Variants in LRP1B observed in about 807,000 individuals in gnomAD.
LRP1B encodes low-density lipoprotein receptor-related protein 1B.
In LRP1B, 217 loss-of-function variants were observed where a neutral mutation model predicts 556.6. The observed-to-expected ratio is 0.39, with a 90% CI of 0.35 to 0.44. The LOEUF is 0.44. Ranked by LOEUF, LRP1B falls within the 20% of genes least tolerant of loss-of-function variation. LRP1B has a pLI of 1.00. For synonymous variants in LRP1B, 2,047 were observed against 1,865.8 expected (o/e 1.10, Z -2.50); for missense variants, 5,053 against 5,620.8 (o/e 0.90, Z 3.23).
chr2:140,913,162 T>G, intron 21 of LRP1B, among the ~76,000 whole-genome samples: 1 of 151,948 alleles, frequency 6.6e-6, no homozygotes, highest in East Asian at 1.9e-4. Flanking sequence ...TAGTGTTACC[T>G]ACATATTTAT....
chr2:142,037,012 C>A (rs1309358697), intron 1 of LRP1B, among the ~76,000 whole-genome samples: 1 of 151,604 alleles, frequency 6.6e-6, no homozygotes, highest in Non-Finnish European at 1.5e-5. Context: ...TTGGGTCACA[C>A]AGAGGACTAT....
intron 9 of LRP1B, among the ~76,000 whole-genome samples, chr2:141,055,466 G>A (rs1699154044): frequency 1.3e-5 from 2 of 151,460 alleles, no homozygotes; most frequent in South Asian, 4.1e-4. Flanking sequence ...CCTCCTAAGT[G>A]AGCATTTAAA....
rs1558880741 is a variant in LRP1B, at chr2:141,795,860, AT to A, written c.205+14418del. ...ATAGAGAATGAAAACCAGGAGCAAT[AT>A]ATATATATATATATATATATATATA... On this transcript the variant is annotated intron_variant, in intron 2 of 90. Transcript: ENST00000389484. Among the ~76,000 whole-genome samples, 458 of 69,316 alleles carry A rather than the reference AT, an allele frequency of 6.6e-3. 29 individuals carry two copies. Among genetic ancestry groups the A allele is most frequent in the African/African-American group, 0.017 (367 of 21,874 alleles). 45.5% of individuals were successfully genotyped at this position (69,316 alleles called of 152,430 possible).
intron 7 of LRP1B, among the ~76,000 whole-genome samples, chr2:141,099,963 A>G (rs1252819954): frequency 6.6e-6 from 1 of 152,176 alleles, no homozygotes; most frequent in Non-Finnish European, 1.5e-5. Flanking sequence ...ATTCTATTTT[A>G]CCAACAAAAT....
At chr2:140,822,116 T>C (rs1294684074) in intron 31 of LRP1B, among the ~76,000 whole-genome samples, 3 of 152,212 alleles carry the variant, frequency 2.0e-5, no homozygotes, top group Non-Finnish European at 4.4e-5. Flanking sequence ...CCAAGTTCCT[T>C]TATATGAGGC....
intron 1 of LRP1B, among the ~76,000 whole-genome samples, chr2:141,925,577 T>C (rs1471167401): frequency 6.6e-6 from 1 of 152,208 alleles, no homozygotes; most frequent in Non-Finnish European, 1.5e-5. Flanking sequence ...GGCCAGACAA[T>C]GTCCTGGAAA....
intron 35 of LRP1B, among the ~76,000 whole-genome samples, chr2:140,726,114 G>A (rs1184714035): frequency 6.6e-6 from 1 of 152,042 alleles, no homozygotes; most frequent in East Asian, 1.9e-4. Context: ...ATTTAACAGG[G>A]CCAATAATCT....
chr2:142,007,326 A>T (rs1490874271), intron 1 of LRP1B, among the ~76,000 whole-genome samples: 1 of 152,192 alleles, frequency 6.6e-6, no homozygotes, highest in Non-Finnish European at 1.5e-5. Flanking sequence ...GCAATATAAC[A>T]TTAAAGGATA....
intron 2 of LRP1B, among the ~76,000 whole-genome samples, chr2:141,581,603 A>C (rs1686960684): frequency 6.6e-6 from 1 of 152,198 alleles, no homozygotes; most frequent in Non-Finnish European, 1.5e-5. Context: ...AAAATAATCT[A>C]TCCATGAAAA....
At chr2:140,911,755 T>C (rs569109539) in intron 21 of LRP1B, among the ~76,000 whole-genome samples, 8 of 151,904 alleles carry the variant, frequency 5.3e-5, no homozygotes, top group Admixed American at 2.0e-4. Context: ...TTTAGTTTGG[T>C]TTATCAAAAT....
At chr2:141,747,319 C>T (rs1693951291) in intron 2 of LRP1B, among the ~76,000 whole-genome samples, 1 of 152,046 alleles carries the variant, frequency 6.6e-6, no homozygotes. Context: ...ACAAATTCAG[C>T]AAAAATGTTT....
At chr2:141,202,899 C>T (rs1323902877) in intron 6 of LRP1B, among the ~76,000 whole-genome samples, 2 of 151,992 alleles carry the variant, frequency 1.3e-5, no homozygotes, top group Admixed American at 6.6e-5. Flanking sequence ...CCCCGACAGG[C>T]CCTGGTGTGT....
At chr2:140,840,826 A>G in intron 30 of LRP1B, 92 bp downstream of exon 30, 1 of 937,812 alleles carries the variant, frequency 1.1e-6, no homozygotes, top group East Asian at 2.6e-5. Context: ...TGTTATATAT[A>G]TATCCTCTGA....
intron 1 of LRP1B, among the ~76,000 whole-genome samples, chr2:141,929,903 G>T (rs1304026765): frequency 1.1e-5 from 1 of 94,372 alleles, no homozygotes; most frequent in East Asian, 3.4e-4. Context: ...GAGAAACCGC[G>T]GATGGAAACA....
At chr2:140,896,800 T>TTG (rs1693968602) in intron 23 of LRP1B, among the ~76,000 whole-genome samples, 2 of 151,890 alleles carry the variant, frequency 1.3e-5, no homozygotes, top group African/African-American at 2.4e-5. Flanking sequence ...CTATCATCAT[T>TTG]TTTTTTTCTT....
chr2:140,646,712 C>T (rs1574187506), intron 41 of LRP1B, among the ~76,000 whole-genome samples: 1 of 151,878 alleles, frequency 6.6e-6, no homozygotes, highest in African/African-American at 2.4e-5. Context: ...TTTATATAAT[C>T]TAGATCTCAA....
intron 3 of LRP1B, among the ~76,000 whole-genome samples, chr2:141,368,762 T>C (rs1689130870): frequency 6.6e-6 from 1 of 152,204 alleles, no homozygotes; most frequent in African/African-American, 2.4e-5. Flanking sequence ...TAGATATCAA[T>C]TTAGAAAGCT....
intron 59 of LRP1B, among the ~76,000 whole-genome samples, chr2:140,481,534 TAA>T (rs925797035): frequency 1.3e-4 from 20 of 150,844 alleles, no homozygotes; most frequent in African/African-American, 4.6e-4. Context: ...GATAAACTGA[TAA>T]AGTTTTCTAA....
intron 66 of LRP1B, among the ~76,000 whole-genome samples, chr2:140,412,517 G>C (rs114603136): frequency 6.6e-6 from 1 of 151,958 alleles, no homozygotes; most frequent in Non-Finnish European, 1.5e-5. Flanking sequence ...CTAAGTAAGC[G>C]TGAGTGCTCT....
Sources: allele counts gnomAD v4.1 joint callset (sites outside exome capture counted in the v4.1 genomes callset), GRCh38; gene constraint gnomAD v4.1.1; transcripts MANE v1.5; gene names NCBI Gene and HGNC (gene_info 2026-07-23, HGNC 2026-07-21).